Variants in ATP9B observed in about 807,000 individuals in gnomAD.
ATP9B encodes ATPase phospholipid transporting 9B, also known as probable phospholipid-transporting ATPase IIB.
A neutral mutation model predicts 146.1 loss-of-function variants in ATP9B; 110 were observed. That is an observed-to-expected ratio of 0.75 (90% CI 0.65 to 0.88). The LOEUF (loss-of-function observed/expected upper bound fraction) is 0.88, where lower values mean the gene tolerates loss of function less well. Ranked by LOEUF, ATP9B falls within the 40% of genes least tolerant of loss-of-function variation. ATP9B has a pLI of 0.00. For synonymous variants in ATP9B, 604 were observed against 569.7 expected (o/e 1.06, Z -0.86); for missense variants, 1,499 against 1,496.4 (o/e 1.00, Z -0.03).
At chr18:79,102,934 A>AGT (rs1363664447) in intron 2 of ATP9B, among the ~76,000 whole-genome samples, 2 of 152,188 alleles carry the variant, frequency 1.3e-5, no homozygotes, top group Non-Finnish European at 2.9e-5. Flanking sequence ...TTTCTTTGCT[A>AGT]GTGTGTAGAA....
intron 8 of ATP9B, among the ~76,000 whole-genome samples, chr18:79,191,357 T>C (rs943816696): frequency 2.6e-5 from 4 of 152,214 alleles, no homozygotes; most frequent in African/African-American, 4.8e-5. Context: ...TGTACATTTC[T>C]GGCTGACAGT....
chr18:79,245,641 TACTG>T (rs1190343425), intron 11 of ATP9B, among the ~76,000 whole-genome samples: 9 of 140,762 alleles, frequency 6.4e-5, no homozygotes, highest in Middle Eastern at 4.6e-3. Context: ...GGTACCGCCC[TACTG>T]ACTGAGGAGG....
chr18:79,112,536 A>G (rs2093992993), intron 3 of ATP9B, among the ~76,000 whole-genome samples: 1 of 152,188 alleles, frequency 6.6e-6, no homozygotes, highest in South Asian at 2.1e-4. Flanking sequence ...ATTATTAAGA[A>G]TTAACTACCC....
chr18:79,314,643 T>C (rs2096669747), intron 15 of ATP9B, among the ~76,000 whole-genome samples: 1 of 152,212 alleles, frequency 6.6e-6, no homozygotes, highest in Admixed American at 6.5e-5. Context: ...TTGTTTCTTA[T>C]GATAAGTGAT....
At chr18:79,200,865 C>T (rs1411174151) in intron 9 of ATP9B, among the ~76,000 whole-genome samples, 1 of 99,712 alleles carries the variant, frequency 1.0e-5, no homozygotes, top group Non-Finnish European at 2.2e-5. Flanking sequence ...CATTGAGGTT[C>T]TAGAGCCTGA....
chr18:79,170,046 G>A (rs771604311), intron 7 of ATP9B, among the ~76,000 whole-genome samples: 36 of 152,070 alleles, frequency 2.4e-4, no homozygotes, highest in African/African-American at 8.5e-4. Flanking sequence ...GTTTTGCTGC[G>A]GTGATCACTT....
chr18:79,114,991 C>T, intron 4 of ATP9B: 1 of 185,654 alleles, frequency 5.4e-6, no homozygotes. Context: ...TCCCTGTTTG[C>T]AGATGACATG....
chr18:79,281,845 G>A (rs1238746980), intron 13 of ATP9B, among the ~76,000 whole-genome samples: 1 of 152,234 alleles, frequency 6.6e-6, no homozygotes, highest in Non-Finnish European at 1.5e-5. Context: ...CCAACATGGT[G>A]AAACCCTGTC....
intron 5 of ATP9B, among the ~76,000 whole-genome samples, chr18:79,133,308 G>T (rs2094404872): frequency 1.3e-5 from 2 of 152,210 alleles, no homozygotes; most frequent in African/African-American, 4.8e-5. Flanking sequence ...CCTGGTATTA[G>T]ATTGGTGCAA....
chr18:79,288,752 C>A (rs8085398), intron 13 of ATP9B, among the ~76,000 whole-genome samples: 1 of 151,916 alleles, frequency 6.6e-6, no homozygotes, highest in African/African-American at 2.4e-5. Context: ...GCGGCTGGTA[C>A]CAGTTGTTCC....
chr18:79,149,998 T>C (rs2094658724), intron 6 of ATP9B, among the ~76,000 whole-genome samples: 1 of 152,054 alleles, frequency 6.6e-6, no homozygotes. Context: ...GGAGAATCGC[T>C]AGAACCCGGG....
intron 4 of ATP9B, among the ~76,000 whole-genome samples, chr18:79,125,059 T>G (rs904108534): frequency 1.3e-5 from 2 of 152,132 alleles, no homozygotes; most frequent in Admixed American, 1.3e-4. Context: ...GGAAGTTTCG[T>G]GAGATGGTCT....
intron 12 of ATP9B, among the ~76,000 whole-genome samples, chr18:79,260,609 A>G (rs1163486145): frequency 6.6e-6 from 1 of 152,236 alleles, no homozygotes; most frequent in Non-Finnish European, 1.5e-5. Context: ...AGCAGAAACT[A>G]CCAGCTTGAC....
intron 7 of ATP9B, among the ~76,000 whole-genome samples, chr18:79,163,664 G>C (rs1266697312): frequency 6.6e-6 from 1 of 151,822 alleles, no homozygotes; most frequent in African/African-American, 2.4e-5. Flanking sequence ...CAGTGAGCTC[G>C]TGCAATATAT....
chr18:79,105,196 G>T (rs1430202788), intron 2 of ATP9B, among the ~76,000 whole-genome samples: 1 of 152,138 alleles, frequency 6.6e-6, no homozygotes, highest in Non-Finnish European at 1.5e-5. Flanking sequence ...AAGTAGATTG[G>T]TCTTCTTTGT....
intron 8 of ATP9B, among the ~76,000 whole-genome samples, chr18:79,190,445 T>C (rs1225994726): frequency 1.3e-5 from 2 of 151,956 alleles, no homozygotes; most frequent in Non-Finnish European, 2.9e-5. Flanking sequence ...GCTCAGGAGC[T>C]CAATGTACTT....
chr18:79,147,213 A>C (rs2094605587), intron 6 of ATP9B, among the ~76,000 whole-genome samples: 1 of 151,710 alleles, frequency 6.6e-6, no homozygotes, highest in South Asian at 2.1e-4. Context: ...TGAATCAACA[A>C]GTGTCAGAGC....
intron 13 of ATP9B, among the ~76,000 whole-genome samples, chr18:79,286,420 G>C (rs1383086676): frequency 1.3e-5 from 2 of 150,750 alleles, no homozygotes; most frequent in Non-Finnish European, 3.0e-5. Flanking sequence ...CTCTCTGTTT[G>C]TCTGTTATTG....
intron 9 of ATP9B, 128 bp from the exon 10 acceptor site, chr18:79,206,809 G>T: frequency 6.9e-6 from 5 of 719,548 alleles, no homozygotes; most frequent in Non-Finnish European, 1.1e-5. Flanking sequence ...CGTCTGTTTT[G>T]CAGTGCCTTT....
Sources: gnomAD v4.1 joint callset for allele counts (sites outside exome capture counted in the v4.1 genomes callset) on GRCh38, gnomAD v4.1.1 for gene constraint, MANE v1.5 for transcripts, NCBI Gene and HGNC (gene_info 2026-07-23, HGNC 2026-07-21) for gene names.